Variants in SLC9C2 observed in about 807,000 individuals in gnomAD.
SLC9C2 encodes the protein sodium/hydrogen exchanger 11.
A neutral mutation model predicts 140.2 loss-of-function variants in SLC9C2; 75 were observed. That is an observed-to-expected ratio of 0.53 (90% CI 0.44 to 0.65). The LOEUF is 0.65. SLC9C2 is among the 30% of genes least tolerant of loss of function. The pLI is 0.00. For synonymous variants in SLC9C2, 375 were observed against 420.9 expected (o/e 0.89, Z 1.34); for missense variants, 1,074 against 1,331.8 (o/e 0.81, Z 3.01).
In SLC9C2 at chr1:173,523,984, G is replaced by A. The variant is rs755694698; in HGVS notation, c.2625C>T (p.Leu875=). ...NIIWLEGKDV[L]IDFFKERAKL... is the part of the protein sequence containing the mutation. ...GAATCTTTACCTTGAAGAAGTCAAT[G>A]AGAACATCTTTACCTTCCAGCCAAA... The change falls in exon 21 of 28, where the codon CTC becomes CTT. Residue 875 remains leucine, a synonymous_variant. Transcript: ENST00000367714. 10 of 1,611,072 alleles carry A rather than the reference G, an allele frequency of 6.2e-6. No homozygotes were observed. The East Asian group carries it at 1.3e-4, about 22-fold the overall frequency.
intron 4 of SLC9C2, among the ~76,000 whole-genome samples, chr1:173,597,479 A>G (rs1666512710): frequency 6.7e-6 from 1 of 149,632 alleles, no homozygotes; most frequent in Non-Finnish European, 1.5e-5. Context: ...AAAGAAATAA[A>G]ACAGTACAAC....
At chr1:173,570,557 C>T (rs1417475391) in intron 9 of SLC9C2, among the ~76,000 whole-genome samples, 2 of 151,652 alleles carry the variant, frequency 1.3e-5, no homozygotes, top group African/African-American at 4.8e-5. Context: ...TGTCTGCTGT[C>T]TCACTAGGTC....
chr1:173,521,653 G>A lies in SLC9C2; in HGVS notation c.2641-254C>T, dbSNP rs180873987. 2.0e-3 allele frequency among the ~76,000 whole-genome samples: 296 copies of A among 151,340 alleles called. 2 individuals are homozygous for A. The highest frequency in any genetic ancestry group is 3.4e-3 in the Middle Eastern group (1 of 292). On this transcript the variant is annotated intron_variant, in intron 21 of 27. Transcript: ENST00000367714. ...ATCAACTTTTAGAAATAAAGGAACA[G>A]GCAAACAAACTTTGACTTTGTGATT...
intron 9 of SLC9C2, among the ~76,000 whole-genome samples, chr1:173,571,151 T>C (rs1180493354): frequency 6.6e-6 from 1 of 152,220 alleles, no homozygotes; most frequent in Non-Finnish European, 1.5e-5. Flanking sequence ...AGTAAACATT[T>C]TAAAAGCTAA....
chr1:173,512,833 C>T (rs1660146718), intron 23 of SLC9C2, among the ~76,000 whole-genome samples: 1 of 152,076 alleles, frequency 6.6e-6, no homozygotes, highest in African/African-American at 2.4e-5. Flanking sequence ...CCATCAATAC[C>T]TACTTTATTG....
At chr1:173,579,195 C>G (rs1482411989) in intron 7 of SLC9C2, among the ~76,000 whole-genome samples, 1 of 152,190 alleles carries the variant, frequency 6.6e-6, no homozygotes, top group Non-Finnish European at 1.5e-5. Context: ...GATATTTCCT[C>G]TCTGCTGGTG....
At chr1:173,559,627 G>T (rs1383607849) in intron 9 of SLC9C2, among the ~76,000 whole-genome samples, 1 of 152,206 alleles carries the variant, frequency 6.6e-6, no homozygotes, top group Non-Finnish European at 1.5e-5. Flanking sequence ...TCACTTTGGT[G>T]ACCCTTCTGG....
intron 13 of SLC9C2, among the ~76,000 whole-genome samples, chr1:173,546,832 A>G (rs1466148602): frequency 1.3e-5 from 2 of 152,180 alleles, no homozygotes; most frequent in Admixed American, 6.5e-5. Flanking sequence ...TTCACTTTTA[A>G]GTATAATGTT....
chr1:173,509,879 A>G (rs533622311), intron 23 of SLC9C2, among the ~76,000 whole-genome samples, 180 bp from the exon 24 acceptor site: 2 of 152,350 alleles, frequency 1.3e-5, no homozygotes, highest in African/African-American at 4.8e-5. Context: ...TAAGTATAAG[A>G]TGATAAAATG....
At position 173,513,726 on chromosome 1, in the gene SLC9C2, C is replaced by G. The variant is rs552820584; in HGVS notation, c.2907+3811G>C. ...GATTTGTTTGCTCTTGCTTCTCTAGCTCTTTTAATTGTGATGTTAGGGTGT... is the reference window on the plus strand; with the variant it reads ...GATTTGTTTGCTCTTGCTTCTCTAGGTCTTTTAATTGTGATGTTAGGGTGT... On this transcript the variant is annotated intron_variant, in intron 23 of 27. Coordinates refer to ENST00000367714, the MANE Select transcript of SLC9C2 (RefSeq NM_178527.4). Among the ~76,000 whole-genome samples, 464 of 152,160 alleles carry G rather than the reference C, an allele frequency of 3.0e-3. 1 individual carries two copies. The highest frequency in any genetic ancestry group is 0.01 in the African/African-American group (428 of 41,520).
intron 11 of SLC9C2, 24 bp from the exon 12 acceptor site, chr1:173,548,576 G>GC (rs773839100): frequency 1.4e-5 from 23 of 1,612,580 alleles, no homozygotes; most frequent in Non-Finnish European, 2.0e-5. Context: ...AAAAGCAAAG[G>GC]CCTTAATAGA....
intron 19 of SLC9C2, among the ~76,000 whole-genome samples, chr1:173,525,864 G>C (rs1394970208): frequency 2.0e-5 from 3 of 152,070 alleles, no homozygotes; most frequent in Non-Finnish European, 4.4e-5. Context: ...CATATAAATG[G>C]CAACAATGGG....
chr1:173,598,348 T>A (rs1369667237), intron 3 of SLC9C2, among the ~76,000 whole-genome samples: 2 of 152,220 alleles, frequency 1.3e-5, no homozygotes, highest in Admixed American at 1.3e-4. Context: ...TTTTTGGTGA[T>A]TCACAGGTAA....
At position 173,523,771 on chromosome 1, in the gene SLC9C2, C is replaced by A. The variant is rs79449051; in HGVS notation, c.2640+198G>T. Among the ~76,000 whole-genome samples the A allele has an allele frequency of 4.3e-3, 660 of 152,282 alleles. 4 individuals carry two copies. Among genetic ancestry groups the A allele is most frequent in the African/African-American group, 0.015 (631 of 41,556 alleles). On this transcript the variant is annotated intron_variant, in intron 21 of 27. Coordinates refer to ENST00000367714, the MANE Select transcript of SLC9C2 (RefSeq NM_178527.4). ...ATATAGCTACTCATAAGCGGATAAG[C>A]CATTGTGAAAAACTATCTTTGCCCT...
chr1:173,544,082 G>C (rs1163631851), intron 13 of SLC9C2, among the ~76,000 whole-genome samples: 1 of 152,088 alleles, frequency 6.6e-6, no homozygotes, highest in Admixed American at 6.6e-5. Flanking sequence ...CTACAGAATG[G>C]GAGAAAGTTT....
chr1:173,590,367 G>A (rs1666090123), intron 4 of SLC9C2, among the ~76,000 whole-genome samples: 2 of 151,932 alleles, frequency 1.3e-5, no homozygotes, highest in South Asian at 2.1e-4. Flanking sequence ...GTCTTAATAT[G>A]TATAAATAAA....
At chr1:173,592,171 G>A (rs1019433047) in intron 4 of SLC9C2, among the ~76,000 whole-genome samples, 1 of 152,062 alleles carries the variant, frequency 6.6e-6, no homozygotes, top group Non-Finnish European at 1.5e-5. Context: ...AAGATCAGAC[G>A]GTTTTAGGTG....
intron 9 of SLC9C2, among the ~76,000 whole-genome samples, chr1:173,571,118 A>G: frequency 6.6e-6 from 1 of 152,148 alleles, no homozygotes; most frequent in Non-Finnish European, 1.5e-5. Context: ...CCTTCTATTC[A>G]TCAGCCATCT....
In SLC9C2 at chr1:173,575,035, G is replaced by A. The variant is rs535843404; in HGVS notation, c.902+1626C>T. Among the ~76,000 whole-genome samples, 17 of 152,124 alleles carry A rather than the reference G, an allele frequency of 1.1e-4. 1 individual carries two copies. Among genetic ancestry groups the A allele is most frequent in the East Asian group, 9.7e-4 (5 of 5,138 alleles). Reference sequence around the variant, plus strand: ...CTTGAGAGGCTGAGGTGGGAGGATCGCTTGAGCCCTGGAGGTGGAGGCCAT... The same window carrying A: ...CTTGAGAGGCTGAGGTGGGAGGATCACTTGAGCCCTGGAGGTGGAGGCCAT... On this transcript the variant is annotated intron_variant, in intron 8 of 27. Transcript: ENST00000367714.
Sources: gnomAD v4.1 joint callset for allele counts (sites outside exome capture counted in the v4.1 genomes callset) on GRCh38, gnomAD v4.1.1 for gene constraint, MANE v1.5 for transcripts, NCBI Gene and HGNC (gene_info 2026-07-23, HGNC 2026-07-21) for gene names.